The following JPH2 variants were observed in gnomAD, a reference collection of about 807,000 sequenced individuals.
JPH2 encodes junctophilin 2.
JPH2 carries 38 observed loss-of-function variants against 55.9 expected under a neutral mutation model. The observed-to-expected ratio is 0.68, with a 90% confidence interval of 0.52 to 0.89. The LOEUF is 0.89. JPH2 is among the 40% of genes least tolerant of loss of function. The probability of loss-of-function intolerance (pLI) is 0.00; values close to 1 mark genes in which losing one functional copy is unlikely to be tolerated. For synonymous variants in JPH2, 480 were observed against 472.4 expected (o/e 1.02, Z -0.21); for missense variants, 964 against 1,037.6 (o/e 0.93, Z 0.97).
chr20:44,119,333 GCTA>G (rs1317681540), intron 2 of JPH2, among the ~76,000 whole-genome samples: 2 of 152,178 alleles, frequency 1.3e-5, no homozygotes, highest in Admixed American at 6.5e-5. Context: ...AGTCACAGCT[GCTA>G]CTACTACTAT....
At chr20:44,167,951 CCAAT>C (rs1023176718) in intron 1 of JPH2, among the ~76,000 whole-genome samples, 2 of 152,128 alleles carry the variant, frequency 1.3e-5, no homozygotes, top group African/African-American at 4.8e-5. Context: ...ATATAATTAA[CCAAT>C]CACAGAAATA....
At position 44,187,122 on chromosome 20, in the gene JPH2, C is replaced by T. The variant is rs556315721; in HGVS notation, c.-417G>A. On this transcript the variant is annotated 5_prime_UTR_variant, in exon 1 of 6. Transcript: ENST00000372980. ...GGAAATTCCCCTCGGTGGCAGCCCC[C>T]GCCGGAGGCTGAATTCCCGCAGCCC... 1 of 187,882 alleles carries T rather than the reference C, an allele frequency of 5.3e-6. No homozygotes were observed. The allele number at this position is 187,882 out of a possible 1,614,324, so 11.6% of individuals were successfully genotyped here.
intron 2 of JPH2, among the ~76,000 whole-genome samples, chr20:44,132,161 T>C (rs2072323364): frequency 6.6e-6 from 1 of 152,274 alleles, no homozygotes; most frequent in African/African-American, 2.4e-5. Context: ...GATCTTTGTG[T>C]ATGACAAAGA....
intron 1 of JPH2, among the ~76,000 whole-genome samples, chr20:44,162,781 TATATATACACACACAC>T (rs1265368478): frequency 1.4e-5 from 1 of 70,038 alleles, no homozygotes; most frequent in African/African-American, 6.0e-5. Context: ...TATATATATA[TATATATACACACACAC>T]ACACACACAC....
chr20:44,143,358 A>G (rs1328107647), intron 2 of JPH2, among the ~76,000 whole-genome samples: 1 of 152,126 alleles, frequency 6.6e-6, no homozygotes, highest in Non-Finnish European at 1.5e-5. Flanking sequence ...AGCTCCATGT[A>G]AGGTCAGACT....
chr20:44,115,777 G>A lies in JPH2; in HGVS notation c.1898C>T (p.Pro633Leu). The change falls in exon 4 of 6, where the codon CCC (proline) becomes CTC (leucine). Residue 633 changes from proline (P) to leucine (L), a missense_variant. Coordinates refer to ENST00000372980, the MANE Select transcript of JPH2 (RefSeq NM_020433.5). ...EPKPIIPKAE[P>L]RAKARKTEAR... ...CTCAGTCTTGCGGGCCTTGGCCCTG[G>A]GCTCGGCTTTGGGGATGATGGGCTT... 6.2e-7 allele frequency: 1 copy of A among 1,611,358 alleles called. No individual in the cohort carries two copies. Among genetic ancestry groups the A allele is most frequent in the Non-Finnish European group, 8.5e-7 (1 of 1,179,916 alleles).
chr20:44,186,821 AC>A lies in JPH2; in HGVS notation c.-117del. 9.7e-7 allele frequency: 1 copy of A among 1,028,122 alleles called. No homozygotes were observed. The highest frequency in any genetic ancestry group is 1.4e-6 in the Non-Finnish European group (1 of 690,386). The allele number at this position is 1,028,122 out of a possible 1,614,324, so 63.7% of individuals were successfully genotyped here. A position where few individuals can be genotyped will look rare whatever the true frequency, so the allele number is the denominator to read the frequency against. The stretch of plus-strand genomic sequence containing the variant: ...GGCAGGCCCCCAGACTCACCACTGC[AC>A]CCCAGGAGGGGGGAAGCAGGATGCC... On this transcript the variant is annotated 5_prime_UTR_variant, in exon 1 of 6. The change abolishes the stop of an existing upstream ORF in the 5' untranslated region. Transcript: ENST00000372980.
At chr20:44,134,662 A>G (rs1378918635) in intron 2 of JPH2, among the ~76,000 whole-genome samples, 1 of 29,130 alleles carries the variant, frequency 3.4e-5, no homozygotes, top group East Asian at 1.3e-3. Flanking sequence ...TTATAAATAT[A>G]TATAAATATA....
At position 44,115,833 on chromosome 20, in the gene JPH2, A is replaced by C; in HGVS notation, c.1842T>G (p.Pro614=). The change falls in exon 4 of 6, where the codon CCT becomes CCG. Residue 614 remains proline (P), a synonymous_variant. Transcript: ENST00000372980. ...LQAPTLRGPE[P]ARETPAKLEP... is the part of the protein sequence containing the mutation. ...CCAGCTTGGCGGGGGTCTCGCGTGC[A>C]GGCTCGGGGCCTCGGAGCGTGGGGG... The C allele has an allele frequency of 6.3e-7, 1 of 1,598,182 alleles. No individual in the cohort carries two copies. Among genetic ancestry groups the C allele is most frequent in the Non-Finnish European group, 8.5e-7 (1 of 1,176,860 alleles).
chr20:44,121,696 A>G (rs1156428109), intron 2 of JPH2, among the ~76,000 whole-genome samples: 6 of 152,112 alleles, frequency 3.9e-5, no homozygotes. Flanking sequence ...GGAGTATTCT[A>G]AAGAACCCAA....
chr20:44,180,434 C>T (rs912436307), intron 1 of JPH2, among the ~76,000 whole-genome samples: 47 of 151,974 alleles, frequency 3.1e-4, no homozygotes, highest in African/African-American at 1.1e-3. Context: ...CGGGCTCAAG[C>T]GATCCTCCCA....
At chr20:44,161,417 G>A (rs1383978071) in intron 1 of JPH2, among the ~76,000 whole-genome samples, 1 of 152,150 alleles carries the variant, frequency 6.6e-6, no homozygotes, top group Non-Finnish European at 1.5e-5. Context: ...TCTTATGTGT[G>A]TGGAGAGGCA....
intron 2 of JPH2, among the ~76,000 whole-genome samples, chr20:44,119,873 C>CAAA (rs56808570): frequency 1.6e-5 from 2 of 121,468 alleles, no homozygotes; most frequent in African/African-American, 6.3e-5. Flanking sequence ...GACTCCATCT[C>CAAA]AAAAAAAAAA....
chr20:44,142,970 G>A (rs1430877564), intron 2 of JPH2, among the ~76,000 whole-genome samples: 4 of 152,220 alleles, frequency 2.6e-5, no homozygotes, highest in African/African-American at 7.2e-5. Context: ...CTGGGGAGCC[G>A]GGGGCACATA....
At chr20:44,144,772 C>A (rs1222472390) in intron 2 of JPH2, among the ~76,000 whole-genome samples, 1 of 152,190 alleles carries the variant, frequency 6.6e-6, no homozygotes, top group Non-Finnish European at 1.5e-5. Context: ...ATAAGTAGCA[C>A]CTCCTTCGTG....
At chr20:44,152,502 C>A (rs1265077834) in intron 2 of JPH2, among the ~76,000 whole-genome samples, 2 of 152,082 alleles carry the variant, frequency 1.3e-5, no homozygotes, top group Admixed American at 6.5e-5. Flanking sequence ...ATAGCAAGAC[C>A]CTGTTCTCCA....
At chr20:44,173,933 C>T (rs572916055) in intron 1 of JPH2, among the ~76,000 whole-genome samples, 18 of 152,076 alleles carry the variant, frequency 1.2e-4, no homozygotes, top group Non-Finnish European at 2.1e-4. Context: ...AACAAACAAA[C>T]AATTCATCAG....
intron 2 of JPH2, among the ~76,000 whole-genome samples, chr20:44,119,689 T>G (rs2072220444): frequency 6.6e-6 from 1 of 151,994 alleles, no homozygotes; most frequent in Non-Finnish European, 1.5e-5. Flanking sequence ...CTGGCTAACA[T>G]GGTGAAACCC....
chr20:44,130,231 A>C (rs1408461402), intron 2 of JPH2, among the ~76,000 whole-genome samples: 1 of 152,182 alleles, frequency 6.6e-6, no homozygotes, highest in African/African-American at 2.4e-5. Context: ...CTGGCACAAA[A>C]GCCTTTGCTG....
Sources: gnomAD v4.1 joint callset for allele counts (sites outside exome capture counted in the v4.1 genomes callset) on GRCh38, gnomAD v4.1.1 for gene constraint, MANE v1.5 for transcripts, NCBI Gene and HGNC (gene_info 2026-07-23, HGNC 2026-07-21) for gene names.